LINC00632: variants seen among roughly 807,000 people sequenced by gnomAD.
LINC00632 encodes the protein ALDOA related specific transcript.
chrX:140,718,251 C>T (rs1930668860), intron 2 of LINC00632, among the ~76,000 whole-genome samples: 1 of 111,312 alleles, frequency 9.0e-6, no homozygotes, highest in South Asian at 3.8e-4. Context: ...GTTGTCATTA[C>T]TCCACACGAA....
chrX:140,788,897 A>ATT (rs1932063697), exon 5 of LINC00632, among the ~76,000 whole-genome samples: 1 of 37,812 alleles, frequency 2.6e-5, no homozygotes, highest in African/African-American at 1.1e-4. Context: ...ATACACATAT[A>ATT]TGTGTATATA....
At position 140,759,340 on chromosome X, in the gene LINC00632, CCTTCCTTTCTTT is replaced by C. The variant is rs1399316211; in HGVS notation, n.192-12734_192-12723del. Among the ~76,000 whole-genome samples the C allele has an allele frequency of 7.0e-3, 241 of 34,200 alleles. 1 individual carries two copies. The highest frequency in any genetic ancestry group is 0.02 in the African/African-American group (224 of 11,310). 29.7% of individuals were successfully genotyped at this position (34,200 alleles called of 115,157 possible). On this transcript the variant is annotated intron_variant and non_coding_transcript_variant, in intron 3 of 4. Transcript: ENST00000648200. ...TCCTTCCTTCCTTCCTTCCTTCCTT[CCTTCCTTTCTTT>C]CTTTCTTTCTTTCTTTTTAAAAGAG...
intron 3 of LINC00632, among the ~76,000 whole-genome samples, chrX:140,771,894 C>G (rs1931805507): frequency 9.2e-6 from 1 of 108,437 alleles, no homozygotes; most frequent in African/African-American, 3.4e-5. Context: ...ATTGGCCAGG[C>G]TGGTCTCAAA....
intron 2 of LINC00632, among the ~76,000 whole-genome samples, chrX:140,718,526 C>T (rs1347504403): frequency 9.2e-6 from 1 of 108,743 alleles, no homozygotes; most frequent in Admixed American, 1.0e-4. Flanking sequence ...AATTCTCCTG[C>T]CTCAGCCTCC....
At chrX:140,713,133 C>T (rs1930552304) in intron 2 of LINC00632, among the ~76,000 whole-genome samples, 1 of 110,442 alleles carries the variant, frequency 9.1e-6, no homozygotes. Flanking sequence ...GACATGACGT[C>T]AGTTTTTCTG....
rs190888127 is a variant in LINC00632, at chrX:140,752,455, C to T, written n.191+18491C>T. The stretch of plus-strand genomic sequence containing the variant: ...TGAATATGGCCAGGTTAACTGGGCT[C>T]TGTGCAAGCCCCATGGTAAAGATTC... On this transcript the variant is annotated intron_variant and non_coding_transcript_variant, in intron 3 of 4. Transcript: ENST00000648200. 2.4e-3 allele frequency among the ~76,000 whole-genome samples: 273 copies of T among 111,781 alleles called. 2 individuals are homozygous for T. Among genetic ancestry groups the T allele is most frequent in the African/African-American group, 8.4e-3 (260 of 30,813 alleles).
chrX:140,717,518 TA>T (rs1200890283), intron 2 of LINC00632, among the ~76,000 whole-genome samples: 2 of 110,526 alleles, frequency 1.8e-5, no homozygotes, highest in Non-Finnish European at 3.8e-5. Context: ...ACTCATCCCA[TA>T]ACATGCAGAC....
At chrX:140,788,844 T>TA (rs1932061369) in exon 5 of LINC00632, among the ~76,000 whole-genome samples, 1 of 104,366 alleles carries the variant, frequency 9.6e-6, no homozygotes, top group Non-Finnish European at 2.0e-5. Context: ...TATATGTATA[T>TA]ATGTATATTC....
At chrX:140,748,788 A>T (rs924223462) in intron 3 of LINC00632, among the ~76,000 whole-genome samples, 43 of 105,947 alleles carry the variant, frequency 4.1e-4, no homozygotes, top group African/African-American at 1.5e-3. Context: ...AATATGATAT[A>T]TATATTTTAT....
chrX:140,788,651 C>A (rs1932053737), exon 5 of LINC00632, among the ~76,000 whole-genome samples: 1 of 108,041 alleles, frequency 9.3e-6, no homozygotes, highest in Admixed American at 1.0e-4. Context: ...AGCGCATGAT[C>A]CAAAATATGT....
At chrX:140,733,281 A>G (rs147214650) in intron 2 of LINC00632, among the ~76,000 whole-genome samples, 1,456 of 112,736 alleles carry the variant, frequency 0.013, 23 homozygotes, top group African/African-American at 0.044. Context: ...ATCACATGGA[A>G]TCACAGAAAT....
At chrX:140,725,170 ACATACACAGACACACATTC>A (rs1331175725) in intron 2 of LINC00632, among the ~76,000 whole-genome samples, 1 of 68,499 alleles carries the variant, frequency 1.5e-5, no homozygotes, top group African/African-American at 5.7e-5. Flanking sequence ...CATTCCATAC[ACATACACAGACACACATTC>A]CATACACACA....
intron 2 of LINC00632, chrX:140,713,561 T>C (rs1186112868): frequency 2.9e-6 from 1 of 340,604 alleles, no homozygotes; most frequent in African/African-American, 2.7e-5. Context: ...GTCCGCAGTA[T>C]ACAAACTCAC....
chrX:140,787,469 A>T (rs776649332), exon 5 of LINC00632, among the ~76,000 whole-genome samples: 5 of 111,956 alleles, frequency 4.5e-5, no homozygotes, highest in African/African-American at 1.6e-4. Flanking sequence ...TGTGATCAGC[A>T]CATACTTTAT....
chrX:140,712,997 G>A (rs1460333667), intron 2 of LINC00632, among the ~76,000 whole-genome samples: 2 of 110,872 alleles, frequency 1.8e-5, no homozygotes, highest in African/African-American at 3.3e-5. Context: ...TGTTTATGAG[G>A]AGGCTGGTTT....
intron 3 of LINC00632, among the ~76,000 whole-genome samples, chrX:140,759,336 CCTTCCTTCCTTTCTTTCTTT>C (rs1569354249): frequency 6.6e-4 from 29 of 43,852 alleles, no homozygotes; most frequent in African/African-American, 1.8e-3. Flanking sequence ...TTCCTTCCTT[CCTTCCTTCCTTTCTTTCTTT>C]CTTTCTTTCT....
intron 3 of LINC00632, among the ~76,000 whole-genome samples, chrX:140,754,121 G>T (rs1451303134): frequency 2.7e-5 from 3 of 111,437 alleles, no homozygotes; most frequent in Non-Finnish European, 5.6e-5. Flanking sequence ...AGTTATTCCT[G>T]TTATATTTGA....
At chrX:140,734,038 T>G (rs1209334510) in intron 3 of LINC00632, 3 of 112,564 alleles carry the variant, frequency 2.7e-5, no homozygotes, top group Non-Finnish European at 5.6e-5. Context: ...GTAACCACCC[T>G]GGTGAATAAG....
At chrX:140,749,265 C>A (rs1379934025) in intron 3 of LINC00632, among the ~76,000 whole-genome samples, 1 of 111,477 alleles carries the variant, frequency 9.0e-6, no homozygotes, top group East Asian at 2.8e-4. Context: ...AGGCGGTTGT[C>A]TAGATGTTAC....
Sources: allele counts gnomAD v4.1 joint callset (sites outside exome capture counted in the v4.1 genomes callset), GRCh38; gene constraint gnomAD v4.1.1; transcripts MANE v1.5; gene names NCBI Gene and HGNC (gene_info 2026-07-23, HGNC 2026-07-21).